RARB: variants seen among roughly 807,000 people sequenced by gnomAD.
RARB encodes the protein HBV-activated protein.
In RARB, 17 loss-of-function variants were observed where a neutral mutation model predicts 51.9. That is an observed-to-expected ratio of 0.33 (90% confidence interval 0.22 to 0.49). The LOEUF (loss-of-function observed/expected upper bound fraction) is 0.49, where lower values mean the gene tolerates loss of function less well. Ranked by LOEUF, RARB falls within the 20% of genes least tolerant of loss-of-function variation. The probability of loss-of-function intolerance (pLI) is 0.99; values close to 1 mark genes in which losing one functional copy is unlikely to be tolerated. For synonymous variants in RARB, 215 were observed against 195.4 expected (o/e 1.10, Z -0.84); for missense variants, 369 against 550.8 (o/e 0.67, Z 3.30).
intron 2 of RARB, among the ~76,000 whole-genome samples, chr3:24,937,176 AAAATT>A (rs1385373267): frequency 6.6e-6 from 1 of 152,240 alleles, no homozygotes; most frequent in Admixed American, 6.5e-5. Context: ...CATGGAAACA[AAAATT>A]AAAGTCGTGT....
chr3:25,389,353 CAT>C (rs1279261161), intron 5 of RARB, among the ~76,000 whole-genome samples: 13 of 152,276 alleles, frequency 8.5e-5, no homozygotes, highest in Non-Finnish European at 1.8e-4. Flanking sequence ...CATTTTGTCA[CAT>C]GTTTCTTCCC....
At chr3:25,141,942 C>T (rs1366993681) in intron 4 of RARB, among the ~76,000 whole-genome samples, 1 of 152,186 alleles carries the variant, frequency 6.6e-6, no homozygotes, top group African/African-American at 2.4e-5. Context: ...CTTACTAATA[C>T]TCATGACATC....
intron 2 of RARB, among the ~76,000 whole-genome samples, chr3:24,998,134 C>A (rs534092286): frequency 1.3e-5 from 2 of 151,988 alleles, no homozygotes; most frequent in African/African-American, 4.8e-5. Context: ...TTTCAGAATC[C>A]ATTTCAATAT....
At chr3:25,571,199 C>T (rs1700697359) in intron 4 of RARB, among the ~76,000 whole-genome samples, 1 of 152,220 alleles carries the variant, frequency 6.6e-6, no homozygotes, top group African/African-American at 2.4e-5. Context: ...TGGCTGAGCT[C>T]AGAGACTTTG....
At chr3:24,870,873 C>G (rs1054492248) in intron 2 of RARB, among the ~76,000 whole-genome samples, 1 of 152,056 alleles carries the variant, frequency 6.6e-6, no homozygotes, top group Non-Finnish European at 1.5e-5. Context: ...TTTGTCAACT[C>G]TTTGGGTAAA....
intron 4 of RARB, among the ~76,000 whole-genome samples, chr3:25,167,113 C>T (rs1700572974): frequency 6.6e-6 from 1 of 152,102 alleles, no homozygotes; most frequent in South Asian, 2.1e-4. Flanking sequence ...TGAACCGTTT[C>T]CTCATAGTTA....
chr3:25,115,333 T>C (rs1699668091), intron 3 of RARB, among the ~76,000 whole-genome samples: 1 of 152,220 alleles, frequency 6.6e-6, no homozygotes, highest in African/African-American at 2.4e-5. Context: ...TAGTAGTACA[T>C]AAAAAACATT....
chr3:25,445,942 A>C (rs972380797), intron 1 of RARB, among the ~76,000 whole-genome samples: 5 of 152,226 alleles, frequency 3.3e-5, no homozygotes. Flanking sequence ...TGGAGCTCTA[A>C]AAAAATCCAT....
intron 2 of RARB, among the ~76,000 whole-genome samples, chr3:24,894,146 G>A (rs1021759022): frequency 6.6e-6 from 1 of 152,048 alleles, no homozygotes; most frequent in Non-Finnish European, 1.5e-5. Context: ...CAGATTAAAG[G>A]ATACATGTGC....
chr3:25,090,911 G>A (rs1226812479), intron 3 of RARB, among the ~76,000 whole-genome samples: 7 of 152,196 alleles, frequency 4.6e-5, no homozygotes, highest in Middle Eastern at 3.4e-3. Flanking sequence ...AAGATGATCC[G>A]TGATTTCAAA....
At chr3:24,904,005 T>C (rs1473406953) in intron 2 of RARB, among the ~76,000 whole-genome samples, 1 of 152,198 alleles carries the variant, frequency 6.6e-6, no homozygotes. Flanking sequence ...TGGCCTTGGT[T>C]TCTACCTGTG....
At chr3:25,487,399 T>C (rs987932537) in intron 2 of RARB, among the ~76,000 whole-genome samples, 3 of 152,002 alleles carry the variant, frequency 2.0e-5, no homozygotes, top group African/African-American at 4.8e-5. Context: ...AAATAATCTG[T>C]CTGCTTTGCC....
At chr3:24,972,970 T>C (rs1696433872) in intron 2 of RARB, among the ~76,000 whole-genome samples, 1 of 152,044 alleles carries the variant, frequency 6.6e-6, no homozygotes, top group African/African-American at 2.4e-5. Context: ...CAGAACGTTT[T>C]TAGTTTGATC....
intron 1 of RARB, among the ~76,000 whole-genome samples, chr3:25,429,230 C>T (rs1451999961): frequency 6.6e-6 from 1 of 152,176 alleles, no homozygotes; most frequent in Non-Finnish European, 1.5e-5. Flanking sequence ...GGCAATTTGA[C>T]ACATTTTGCA....
At chr3:25,318,192 T>C (rs940756465) in intron 5 of RARB, among the ~76,000 whole-genome samples, 2 of 152,158 alleles carry the variant, frequency 1.3e-5, no homozygotes, top group African/African-American at 4.8e-5. Flanking sequence ...TATAGCTGAG[T>C]TCAGTCACCA....
At chr3:25,187,575 A>T (rs1701007335) in intron 5 of RARB, among the ~76,000 whole-genome samples, 1 of 152,134 alleles carries the variant, frequency 6.6e-6, no homozygotes. Context: ...TTTTTAAGGC[A>T]AATGGCTAAT....
chr3:25,242,386 T>C (rs1702453946), intron 5 of RARB, among the ~76,000 whole-genome samples: 1 of 152,202 alleles, frequency 6.6e-6, no homozygotes. Flanking sequence ...TGCCCATGCC[T>C]ATGTTCTGAA....
intron 3 of RARB, among the ~76,000 whole-genome samples, chr3:25,560,439 G>A (rs1464542042): frequency 6.6e-6 from 1 of 152,176 alleles, no homozygotes; most frequent in Non-Finnish European, 1.5e-5. Context: ...TCTCTCAGAT[G>A]TCTTATTGAC....
rs184590782 is a variant in RARB at position 24,829,368 on chromosome 3, C to T, written c.-494C>T. ...AGGGGCTGAGGGCACAGCCAGCGGG[C>T]GGCGCGCCGCGGACTCCAAGGCAGC... On this transcript the variant is annotated 5_prime_UTR_variant, in exon 1 of 12. Transcript: ENST00000383772. 4.3e-4 allele frequency among the ~76,000 whole-genome samples: 65 copies of T among 152,066 alleles called. No homozygotes were observed. In the East Asian group the frequency reaches 9.8e-3, roughly 23 times the overall value.
Sources: allele counts gnomAD v4.1 joint callset (sites outside exome capture counted in the v4.1 genomes callset), GRCh38; gene constraint gnomAD v4.1.1; transcripts MANE v1.5; gene names NCBI Gene and HGNC (gene_info 2026-07-23, HGNC 2026-07-21).